Variants in SLC22A25 observed in about 807,000 individuals in gnomAD.
SLC22A25 encodes MGI:2442751, MGI:2385316, MGI:3042283, MGI:3645714, MGI:3605624, MGI:2442750.
Under a neutral mutation model 45.9 loss-of-function variants are expected in SLC22A25, and 44 were observed. The ratio of observed to expected loss-of-function variants is 0.96; its 90% CI spans 0.75 to 1.23. The LOEUF (loss-of-function observed/expected upper bound fraction) is 1.23, where lower values mean the gene tolerates loss of function less well. SLC22A25 is among the 50% of genes most tolerant of loss of function. The probability of loss-of-function intolerance (pLI) is 0.00; values close to 1 mark genes in which losing one functional copy is unlikely to be tolerated. For missense variants in SLC22A25, 800 were observed against 666.4 expected (o/e 1.20, Z -2.21); for synonymous variants, 283 against 238.6 (o/e 1.19, Z -1.72).
chr11:63,229,556 G>A lies in SLC22A25; in HGVS notation c.97C>T (p.His33Tyr). The A allele has an allele frequency of 6.2e-7, 1 of 1,614,038 alleles. No homozygotes were observed. The highest frequency in any genetic ancestry group is 8.5e-7 in the Non-Finnish European group (1 of 1,179,978). The change falls in exon 4 of 12, where the codon CAT becomes TAT. Residue 33 changes from histidine to tyrosine, a missense_variant. His to Tyr is a moderately conservative substitution (Grantham distance 83, BLOSUM62 2). Coordinates refer to ENST00000306494, the MANE Select transcript of SLC22A25 (RefSeq NM_199352.6). The stretch of plus-strand genomic sequence containing the variant: ...GCGAAGTTCTCCAGCTGAGTTTGAT[G>A]GTATACTATGACGTTGAACATTATA... The part of the protein sequence containing the change: ...FLIMFNVIVY[H>Y]QTQLENFAAF...
chr11:63,202,120 C>G (rs1371202175), intron 7 of SLC22A25, among the ~76,000 whole-genome samples: 2 of 152,140 alleles, frequency 1.3e-5, no homozygotes, highest in Non-Finnish European at 2.9e-5. Context: ...GGCCCAGATA[C>G]TATGCTTTTC....
intron 7 of SLC22A25, among the ~76,000 whole-genome samples, chr11:63,213,654 A>G (rs1193646): frequency 0.54 from 81,739 of 152,058 alleles, 23,615 homozygotes; most frequent in African/African-American, 0.76. Flanking sequence ...ACTAGAGACT[A>G]TAAATACCTT....
chr11:63,238,682 A>G, intron 2 of SLC22A25, 35 bp downstream of exon 2: 1 of 170,278 alleles, frequency 5.9e-6, no homozygotes, highest in Non-Finnish European at 1.3e-5. Flanking sequence ...TAAACACTGT[A>G]GTTGTGTATG....
intron 7 of SLC22A25, among the ~76,000 whole-genome samples, chr11:63,199,188 C>G (rs111619939): frequency 0.078 from 11,840 of 151,852 alleles, 666 homozygotes; most frequent in African/African-American, 0.16. Flanking sequence ...AGAGAAGACT[C>G]AAATAAACAA....
At position 63,159,701 on chromosome 11, in the gene SLC22A25, TG is replaced by T. The variant is rs34760065; in HGVS notation, c.*4122del. On this transcript the variant is annotated 3_prime_UTR_variant, in exon 12 of 12. Coordinates refer to ENST00000306494, the MANE Select transcript of SLC22A25 (RefSeq NM_199352.6). ...ACAAATGTGGAAGCAACTTTGGAAC[TG>T]GGGCAATATTTGGAGGGCTCAGAAG... Among the ~76,000 whole-genome samples, 149,217 of 152,294 alleles carry T rather than the reference TG, an allele frequency of 0.98. 73,179 individuals are homozygous for T. Among genetic ancestry groups the T allele is most frequent in the Middle Eastern group, 1 (294 of 294 alleles).
At position 63,187,895 on chromosome 11, in the gene SLC22A25, C is replaced by A. The variant is rs112620474; in HGVS notation, c.831-4078G>T. ...CAGCCTTGCATCCCAGGGATGTAGC[C>A]CACTTGATCATGTTGGATAAGCTTT... On this transcript the variant is annotated intron_variant, in intron 7 of 11. Transcript: ENST00000306494. 1.5e-3 allele frequency among the ~76,000 whole-genome samples: 232 copies of A among 152,288 alleles called. 1 individual carries two copies. The highest frequency in any genetic ancestry group is 4.7e-3 in the African/African-American group (197 of 41,562).
intron 7 of SLC22A25, among the ~76,000 whole-genome samples, chr11:63,197,588 G>A (rs2089089195): frequency 1.3e-5 from 2 of 152,186 alleles, no homozygotes; most frequent in Non-Finnish European, 2.9e-5. Context: ...ATGGATTAAA[G>A]ACTTAAATGT....
intron 7 of SLC22A25, chr11:63,208,157 C>G (rs1323781931): frequency 6.6e-6 from 1 of 152,268 alleles, no homozygotes; most frequent in African/African-American, 2.4e-5. Flanking sequence ...GACCTGGCAT[C>G]CAAGGCATAC....
intron 10 of SLC22A25, among the ~76,000 whole-genome samples, chr11:63,165,783 A>T (rs1161341984): frequency 6.6e-6 from 1 of 152,226 alleles, no homozygotes; most frequent in Non-Finnish European, 1.5e-5. Context: ...AGAAACTATC[A>T]GGAATAAATG....
intron 7 of SLC22A25, among the ~76,000 whole-genome samples, chr11:63,210,739 A>T (rs974767376): frequency 6.6e-6 from 1 of 152,046 alleles, no homozygotes; most frequent in Non-Finnish European, 1.5e-5. Flanking sequence ...GTGGTAACTC[A>T]CCCAATTAGC....
chr11:63,226,989 G>A (rs528913634), intron 5 of SLC22A25, among the ~76,000 whole-genome samples: 38 of 152,160 alleles, frequency 2.5e-4, no homozygotes, highest in Non-Finnish European at 4.0e-4. Flanking sequence ...GGGCTGTTTG[G>A]TCAGCTTGTG....
At chr11:63,181,314 C>T (rs1387121018) in intron 8 of SLC22A25, among the ~76,000 whole-genome samples, 1 of 151,894 alleles carries the variant, frequency 6.6e-6, no homozygotes, top group Non-Finnish European at 1.5e-5. Context: ...ACATGATATA[C>T]ATGTGCCATG....
At chr11:63,177,754 A>G (rs1415640117) in intron 9 of SLC22A25, among the ~76,000 whole-genome samples, 1 of 147,660 alleles carries the variant, frequency 6.8e-6, no homozygotes, top group Non-Finnish European at 1.5e-5. Flanking sequence ...TTATGGCTGA[A>G]TAATATTCCA....
intron 7 of SLC22A25, among the ~76,000 whole-genome samples, chr11:63,188,493 C>T (rs1286597557): frequency 2.0e-5 from 3 of 152,158 alleles, no homozygotes; most frequent in African/African-American, 7.2e-5. Flanking sequence ...TTTCAAAAAA[C>T]CAGCTCCTGG....
Position 63,217,635 on chromosome 11 carries a change from G to T in SLC22A25, c.607C>A (p.Arg203Ser), listed in dbSNP as rs762029744. The T allele has an allele frequency of 5.0e-6, 8 of 1,613,858 alleles. No homozygotes were observed. The highest frequency in any genetic ancestry group is 5.1e-6 in the Non-Finnish European group (6 of 1,180,002). Residue 203 changes from arginine to serine, a missense_variant, in exon 6 of 12, where the codon CGC (arginine) becomes AGC (serine). Arg to Ser is a moderately radical substitution (Grantham distance 110). Transcript: ENST00000306494. ...APTILVYCSL[R>S]FLAGAATFSI... is the part of the protein sequence containing the mutation. ...AATGTAGCAGCCCCAGCCAAGAAGC[G>T]CAGGGAGCAGTATACGAGGATGGTG...
At chr11:63,177,500 A>AT (rs1370491651) in intron 9 of SLC22A25, among the ~76,000 whole-genome samples, 1 of 151,614 alleles carries the variant, frequency 6.6e-6, no homozygotes, top group African/African-American at 2.4e-5. Flanking sequence ...ACTAGATCTT[A>AT]TTTTTTCTAT....
At chr11:63,181,822 T>C (rs1020868291) in intron 8 of SLC22A25, among the ~76,000 whole-genome samples, 2 of 152,132 alleles carry the variant, frequency 1.3e-5, no homozygotes, top group Admixed American at 6.6e-5. Context: ...TTAGAAATCC[T>C]GTTGAGGCAA....
chr11:63,202,646 GCAGCCC>G (rs1281809706), intron 7 of SLC22A25, among the ~76,000 whole-genome samples: 2 of 152,250 alleles, frequency 1.3e-5, no homozygotes, highest in Non-Finnish European at 2.9e-5. Flanking sequence ...AAGAAAGGAA[GCAGCCC>G]CAGTCACGGG....
At chr11:63,206,994 G>A (rs1019758413) in intron 7 of SLC22A25, among the ~76,000 whole-genome samples, 1 of 152,140 alleles carries the variant, frequency 6.6e-6, no homozygotes. Context: ...ACAACCATCT[G>A]ATCTTTGATA....
Sources: gnomAD v4.1 joint callset for allele counts (sites outside exome capture counted in the v4.1 genomes callset) on GRCh38, gnomAD v4.1.1 for gene constraint, MANE v1.5 for transcripts, NCBI Gene and HGNC (gene_info 2026-07-23, HGNC 2026-07-21) for gene names.